The following WDPCP variants were observed in gnomAD, a reference collection of about 807,000 sequenced individuals.
WDPCP encodes WD repeat containing planar cell polarity effector, also known as WD repeat-containing and planar cell polarity effector protein fritz homolog.
WDPCP carries 71 observed loss-of-function variants against 93.1 expected under a neutral mutation model. That is an observed-to-expected ratio of 0.76 (90% CI 0.63 to 0.93). The LOEUF is 0.93. Ranked by LOEUF, WDPCP falls within the 40% of genes least tolerant of loss-of-function variation. WDPCP has a pLI of 0.00. For synonymous variants in WDPCP, 315 were observed against 315.0 expected (o/e 1.00, Z 0.00); for missense variants, 844 against 887.4 (o/e 0.95, Z 0.62).
chr2:63,530,089 T>A (rs1323509259), intron 1 of WDPCP, among the ~76,000 whole-genome samples: 1 of 152,166 alleles, frequency 6.6e-6, no homozygotes, highest in Non-Finnish European at 1.5e-5. Flanking sequence ...TTTTTCTCTC[T>A]TTTCTTCTTT....
At chr2:63,321,021 T>C (rs1174006368) in intron 12 of WDPCP, among the ~76,000 whole-genome samples, 1 of 151,876 alleles carries the variant, frequency 6.6e-6, no homozygotes, top group Non-Finnish European at 1.5e-5. Context: ...GCAATAATTA[T>C]CAGATATAAT....
rs1204024455 is a variant in WDPCP at position 63,167,165 on chromosome 2, T to G, written c.2078+7505A>C. ...CATTTATGTATTGTCTATGACTGTT[T>G]TCGTGCTACAACAGAGTTAAATAGT... On this transcript the variant is annotated intron_variant, in intron 15 of 17. Coordinates refer to ENST00000272321, the MANE Select transcript of WDPCP (RefSeq NM_015910.7). Among the ~76,000 whole-genome samples, 9 of 152,352 alleles carry G rather than the reference T, an allele frequency of 5.9e-5. No homozygotes were observed. In the South Asian group the frequency reaches 1.0e-3, roughly 18 times the overall value.
intron 13 of WDPCP, among the ~76,000 whole-genome samples, chr2:63,309,380 G>T (rs1201878748): frequency 6.6e-6 from 1 of 152,148 alleles, no homozygotes; most frequent in African/African-American, 2.4e-5. Context: ...GACAGGAGGG[G>T]TACGGTGGTG....
At chr2:63,203,948 C>T (rs1399023471) in intron 14 of WDPCP, among the ~76,000 whole-genome samples, 1 of 152,178 alleles carries the variant, frequency 6.6e-6, no homozygotes, top group Non-Finnish European at 1.5e-5. Flanking sequence ...ATCCATTCAT[C>T]TGCTGATGGA....
intron 12 of WDPCP, among the ~76,000 whole-genome samples, chr2:63,370,339 AT>A (rs1575251105): frequency 6.6e-6 from 1 of 151,956 alleles, no homozygotes; most frequent in African/African-American, 2.4e-5. Context: ...CCTCCTGCTT[AT>A]TTCTCCTTTT....
At chr2:63,615,530 C>T (rs1473803440) in intron 3 of WDPCP, among the ~76,000 whole-genome samples, 1 of 152,182 alleles carries the variant, frequency 6.6e-6, no homozygotes, top group Non-Finnish European at 1.5e-5. Context: ...ACCTGTTTTT[C>T]ATGCCCTAGG....
At chr2:63,524,087 G>A (rs892783853) in intron 1 of WDPCP, among the ~76,000 whole-genome samples, 1 of 152,090 alleles carries the variant, frequency 6.6e-6, no homozygotes, top group African/African-American at 2.4e-5. Context: ...AATGAGAATT[G>A]CAAAACACTT....
intron 17 of WDPCP, among the ~76,000 whole-genome samples, chr2:63,140,552 G>GT (rs1181868734): frequency 9.2e-4 from 76 of 82,858 alleles, no homozygotes; most frequent in Admixed American, 1.9e-3. Context: ...ATATTCCTAA[G>GT]TATTTTTTTT....
At chr2:63,224,119 C>A (rs1379412470) in intron 14 of WDPCP, among the ~76,000 whole-genome samples, 1 of 151,818 alleles carries the variant, frequency 6.6e-6, no homozygotes, top group Non-Finnish European at 1.5e-5. Flanking sequence ...ATACATATGG[C>A]AAATAAGCAT....
intron 3 of WDPCP, among the ~76,000 whole-genome samples, chr2:63,626,884 T>C (rs1296684931): frequency 6.6e-6 from 1 of 151,650 alleles, no homozygotes; most frequent in East Asian, 1.9e-4. Context: ...AGATGACGGG[T>C]TGATGGGTGC....
intron 12 of WDPCP, among the ~76,000 whole-genome samples, chr2:63,336,035 A>T (rs1688341468): frequency 6.6e-6 from 1 of 152,206 alleles, no homozygotes; most frequent in Non-Finnish European, 1.5e-5. Context: ...GGCATGAATA[A>T]TCCACCCCTT....
chr2:63,790,482 G>T (rs1292078508), intron 2 of WDPCP, among the ~76,000 whole-genome samples: 2 of 152,222 alleles, frequency 1.3e-5, no homozygotes, highest in Non-Finnish European at 2.9e-5. Context: ...ACAGAGACTT[G>T]TAATCAGAAC....
intron 6 of WDPCP, among the ~76,000 whole-genome samples, chr2:63,455,753 T>C (rs1222315295): frequency 6.6e-6 from 1 of 152,138 alleles, no homozygotes; most frequent in Non-Finnish European, 1.5e-5. Flanking sequence ...AACAGTCCAC[T>C]CTCAGCATTA....
At chr2:63,138,692 T>C (rs1670824484) in intron 17 of WDPCP, among the ~76,000 whole-genome samples, 1 of 152,072 alleles carries the variant, frequency 6.6e-6, no homozygotes, top group Non-Finnish European at 1.5e-5. Context: ...GACCTCGTGA[T>C]CCACCCGCCT....
chr2:63,288,541 GA>G (rs1326007881), intron 13 of WDPCP, among the ~76,000 whole-genome samples: 3 of 152,212 alleles, frequency 2.0e-5, no homozygotes, highest in African/African-American at 7.2e-5. Flanking sequence ...CAAAGATACA[GA>G]AAAGTTTCAA....
At chr2:63,665,505 A>G (rs955899753) in intron 2 of WDPCP, among the ~76,000 whole-genome samples, 14 of 152,168 alleles carry the variant, frequency 9.2e-5, no homozygotes, top group African/African-American at 3.1e-4. Context: ...AATCATAACT[A>G]ATTACATCTA....
At chr2:63,603,415 C>T (rs766993424) in intron 3 of WDPCP, among the ~76,000 whole-genome samples, 1 of 152,140 alleles carries the variant, frequency 6.6e-6, no homozygotes, top group African/African-American at 2.4e-5. Context: ...GACTCTGGCA[C>T]AACTAGTTTC....
At chr2:63,128,486 T>C (rs1391371644) in intron 17 of WDPCP, among the ~76,000 whole-genome samples, 1 of 152,146 alleles carries the variant, frequency 6.6e-6, no homozygotes, top group Non-Finnish European at 1.5e-5. Flanking sequence ...TGTGGTAAAA[T>C]ATATTTAACA....
At chr2:63,786,664 T>C (rs1670470247) in intron 2 of WDPCP, among the ~76,000 whole-genome samples, 1 of 152,198 alleles carries the variant, frequency 6.6e-6, no homozygotes, top group Non-Finnish European at 1.5e-5. Context: ...CGGCCACATC[T>C]GAGACACTAA....
Sources: allele counts gnomAD v4.1 joint callset (sites outside exome capture counted in the v4.1 genomes callset), GRCh38; gene constraint gnomAD v4.1.1; transcripts MANE v1.5; gene names NCBI Gene and HGNC (gene_info 2026-07-23, HGNC 2026-07-21).